ENOX1: variants seen among roughly 807,000 people sequenced by gnomAD.
ENOX1 encodes candidate growth-related and time keeping constitutive hydroquinone (NADH) oxidase.
ENOX1 carries 42 observed loss-of-function variants against 82.5 expected under a neutral mutation model. The observed-to-expected ratio is 0.51, with a 90% CI of 0.40 to 0.66. ENOX1 has a LOEUF of 0.66. ENOX1 is among the 30% of genes least tolerant of loss of function. The probability of loss-of-function intolerance (pLI) is 0.00; values close to 1 mark genes in which losing one functional copy is unlikely to be tolerated. For missense variants in ENOX1, 608 were observed against 811.6 expected (o/e 0.75, Z 3.05); for synonymous variants, 271 against 282.2 (o/e 0.96, Z 0.40).
At chr13:43,590,857 T>C (rs1179832270) in intron 2 of ENOX1, among the ~76,000 whole-genome samples, 6 of 140,572 alleles carry the variant, frequency 4.3e-5, no homozygotes, top group Non-Finnish European at 9.3e-5. Flanking sequence ...ATGTCAGAAA[T>C]AGGTATTTCA....
At chr13:43,248,132 G>T (rs1439117271) in intron 14 of ENOX1, among the ~76,000 whole-genome samples, 5 of 150,876 alleles carry the variant, frequency 3.3e-5, no homozygotes, top group African/African-American at 1.2e-4. Context: ...TGATCCGCCC[G>T]CCTCGGCCTC....
chr13:43,518,131 A>ATGT (rs1566434335), intron 2 of ENOX1, among the ~76,000 whole-genome samples: 5 of 152,140 alleles, frequency 3.3e-5, no homozygotes, highest in Non-Finnish European at 5.9e-5. Flanking sequence ...AACAAAACCA[A>ATGT]TCTAAGAAGT....
At chr13:43,702,185 T>C (rs978116063) in intron 1 of ENOX1, among the ~76,000 whole-genome samples, 3 of 152,264 alleles carry the variant, frequency 2.0e-5, no homozygotes, top group African/African-American at 7.2e-5. Flanking sequence ...TCATTTGTAC[T>C]CTTTTTAGTG....
chr13:43,408,447 T>C (rs1420459663), intron 5 of ENOX1, among the ~76,000 whole-genome samples: 1 of 152,222 alleles, frequency 6.6e-6, no homozygotes. Flanking sequence ...TCCATAATCC[T>C]GTCAGAAATG....
At chr13:43,698,586 T>C (rs76419809) in intron 1 of ENOX1, among the ~76,000 whole-genome samples, 3,178 of 152,218 alleles carry the variant, frequency 0.021, 118 homozygotes, top group African/African-American at 0.073. Context: ...TTAACACATA[T>C]AAAAATTCAC....
chr13:43,396,728 A>C (rs1187920013), intron 5 of ENOX1, among the ~76,000 whole-genome samples: 2 of 152,120 alleles, frequency 1.3e-5, no homozygotes, highest in Non-Finnish European at 2.9e-5. Context: ...TTCCTGTCAA[A>C]AGTTACCATG....
chr13:43,346,790 T>C (rs898895132), intron 8 of ENOX1, among the ~76,000 whole-genome samples: 2 of 152,192 alleles, frequency 1.3e-5, no homozygotes, highest in Non-Finnish European at 2.9e-5. Flanking sequence ...CCACACTCTC[T>C]ACCTCTCTTC....
intron 2 of ENOX1, among the ~76,000 whole-genome samples, chr13:43,505,851 C>T (rs2077138599): frequency 6.6e-6 from 1 of 151,952 alleles, no homozygotes; most frequent in Non-Finnish European, 1.5e-5. Context: ...AATGGTATTG[C>T]CTAGGTTTTC....
At chr13:43,370,533 T>C (rs1051435356) in intron 5 of ENOX1, among the ~76,000 whole-genome samples, 2 of 152,222 alleles carry the variant, frequency 1.3e-5, no homozygotes, top group Non-Finnish European at 2.9e-5. Flanking sequence ...TCATGTGTAC[T>C]AAGTTATTTT....
intron 2 of ENOX1, among the ~76,000 whole-genome samples, chr13:43,543,395 C>A (rs1231948802): frequency 1.3e-5 from 2 of 152,030 alleles, no homozygotes; most frequent in African/African-American, 4.8e-5. Flanking sequence ...GGTAACATTT[C>A]ATGAAATATT....
chr13:43,323,661 CT>C (rs2047940300), intron 10 of ENOX1, among the ~76,000 whole-genome samples: 1 of 152,146 alleles, frequency 6.6e-6, no homozygotes, highest in African/African-American at 2.4e-5. Flanking sequence ...CTCCATTATT[CT>C]TTTTCCCTCT....
intron 2 of ENOX1, among the ~76,000 whole-genome samples, chr13:43,563,766 C>T (rs527626258): frequency 7.2e-5 from 11 of 152,156 alleles, no homozygotes; most frequent in African/African-American, 2.6e-4. Context: ...TGGATAAAGA[C>T]ACATACAGTC....
intron 1 of ENOX1, among the ~76,000 whole-genome samples, chr13:43,779,772 C>G (rs1335747323): frequency 6.6e-6 from 1 of 152,214 alleles, no homozygotes; most frequent in Non-Finnish European, 1.5e-5. Flanking sequence ...ATACCAACCT[C>G]CATGCACAGT....
At chr13:43,550,316 A>G (rs1271481464) in intron 2 of ENOX1, among the ~76,000 whole-genome samples, 1 of 152,176 alleles carries the variant, frequency 6.6e-6, no homozygotes, top group Admixed American at 6.5e-5. Context: ...TGTGTGAGGC[A>G]TGGTGCTGGG....
At chr13:43,296,522 TGTG>T (rs2046294477) in intron 12 of ENOX1, among the ~76,000 whole-genome samples, 2 of 152,202 alleles carry the variant, frequency 1.3e-5, no homozygotes, top group Non-Finnish European at 2.9e-5. Context: ...CCTTCAGAAC[TGTG>T]AGACAATACA....
intron 10 of ENOX1, among the ~76,000 whole-genome samples, chr13:43,324,056 T>C (rs1249112215): frequency 6.6e-6 from 1 of 152,174 alleles, no homozygotes; most frequent in East Asian, 1.9e-4. Flanking sequence ...ACAAGGCTCC[T>C]AATTTGATTA....
chr13:43,356,215 C>T, intron 7 of ENOX1, 63 bp from the exon 8 acceptor site: 1 of 1,468,668 alleles, frequency 6.8e-7, no homozygotes, highest in Non-Finnish European at 9.4e-7. Flanking sequence ...TTGGTCCAGA[C>T]CTTCAAGGCA....
chr13:43,580,308 T>A (rs1245159310), intron 2 of ENOX1, among the ~76,000 whole-genome samples: 1 of 152,238 alleles, frequency 6.6e-6, no homozygotes, highest in African/African-American at 2.4e-5. Flanking sequence ...TAGTTGACAC[T>A]CAGCCATTTG....
At chr13:43,331,315 T>C (rs927883851) in intron 9 of ENOX1, among the ~76,000 whole-genome samples, 4 of 152,226 alleles carry the variant, frequency 2.6e-5, no homozygotes, top group African/African-American at 9.6e-5. Flanking sequence ...TCCAGCTAAA[T>C]AGCGGTGAAA....
Sources: gnomAD v4.1 joint callset for allele counts (sites outside exome capture counted in the v4.1 genomes callset) on GRCh38, gnomAD v4.1.1 for gene constraint, MANE v1.5 for transcripts, NCBI Gene and HGNC (gene_info 2026-07-23, HGNC 2026-07-21) for gene names.